Variants in MYH16 observed in about 807,000 individuals in gnomAD.
The protein encoded by MYH16 is myosin heavy chain 16, also known as putative uncharacterized protein MYH16.
At chr7:99,250,919 T>C (rs75827548) in intron 5 of MYH16, among the ~76,000 whole-genome samples, 5,433 of 152,240 alleles carry the variant, frequency 0.036, 145 homozygotes, top group South Asian at 0.11. Context: ...GTGGCCCTCG[T>C]CCCAGGTTAC....
downstream of MYH16, among the ~76,000 whole-genome samples, chr7:99,310,232 A>G (rs1792741766): frequency 6.6e-6 from 1 of 152,116 alleles, no homozygotes; most frequent in Non-Finnish European, 1.5e-5. Context: ...GGGCTCAGAG[A>G]GCTGCAGCGC....
At chr7:99,290,169 C>A (rs1169658227) in intron 30 of MYH16, among the ~76,000 whole-genome samples, 4 of 152,184 alleles carry the variant, frequency 2.6e-5, no homozygotes, top group African/African-American at 9.7e-5. Flanking sequence ...TTTGGCCTTA[C>A]TTCTCACATC....
intron 18 of MYH16, among the ~76,000 whole-genome samples, chr7:99,268,412 G>A (rs1431451554): frequency 2.0e-5 from 3 of 152,246 alleles, no homozygotes; most frequent in South Asian, 2.1e-4. Context: ...AGAGCTAGTC[G>A]GCATAAGGCC....
At chr7:99,307,184 G>A (rs192248991), downstream of MYH16, among the ~76,000 whole-genome samples, 318 of 152,254 alleles carry the variant, frequency 2.1e-3, no homozygotes, top group Middle Eastern at 6.8e-3. Context: ...TCACAGGGAC[G>A]TCCACAAGCT....
chr7:99,307,917 T>C (rs1253763344), downstream of MYH16, among the ~76,000 whole-genome samples: 2 of 151,966 alleles, frequency 1.3e-5, no homozygotes, highest in African/African-American at 2.4e-5. Flanking sequence ...GGTTTCACCA[T>C]GTTGGCCAGG....
chr7:99,289,481 T>A (rs1311436231), intron 30 of MYH16, 77 bp downstream of exon 11: 1 of 227,808 alleles, frequency 4.4e-6, no homozygotes, highest in Non-Finnish European at 9.5e-6. Flanking sequence ...AACAGAGCTT[T>A]CTTGGCCTTG....
chr7:99,310,240 C>T (rs1200614867), downstream of MYH16, among the ~76,000 whole-genome samples: 3 of 152,026 alleles, frequency 2.0e-5, no homozygotes, highest in South Asian at 2.1e-4. Flanking sequence ...AGAGCTGCAG[C>T]GCGGTGGGGG....
chr7:99,260,658 T>G, intron 12 of MYH16: 2 of 210,174 alleles, frequency 9.5e-6, no homozygotes, highest in East Asian at 1.2e-4. Context: ...AGAAGGGAAC[T>G]TCCTTGTCCA....
At chr7:99,259,704 G>GTA (rs1265129555) in intron 11 of MYH16, among the ~76,000 whole-genome samples, 31 of 147,154 alleles carry the variant, frequency 2.1e-4, no homozygotes, top group South Asian at 6.4e-4. Context: ...ATATGTGTGT[G>GTA]TATATATATA....
intron 34 of MYH16, among the ~76,000 whole-genome samples, chr7:99,297,382 G>A (rs1026219863): frequency 4.6e-5 from 7 of 152,026 alleles, no homozygotes; most frequent in South Asian, 2.1e-4. Context: ...GCAGTGAGCC[G>A]AGATCATGCC....
intron 20 of MYH16, 66 bp downstream of exon 2, chr7:99,273,489 C>T (rs1792072356): frequency 2.2e-6 from 1 of 453,804 alleles, no homozygotes; most frequent in African/African-American, 2.0e-5. Context: ...GGGCTTGATC[C>T]TGGACAGAGA....
intron 23 of MYH16, among the ~76,000 whole-genome samples, chr7:99,281,750 C>T (rs1223116682): frequency 2.0e-5 from 3 of 152,188 alleles, no homozygotes; most frequent in African/African-American, 7.2e-5. Context: ...GGAGACCCAC[C>T]GACTTTCCCA....
intron 9 of MYH16, among the ~76,000 whole-genome samples, chr7:99,256,781 A>T (rs1584343087): frequency 6.6e-6 from 1 of 151,912 alleles, no homozygotes; most frequent in Non-Finnish European, 1.5e-5. Flanking sequence ...ATCTATAAAT[A>T]AATTAATTAA....
intron 32 of MYH16, among the ~76,000 whole-genome samples, chr7:99,292,982 T>C (rs1247700298): frequency 6.8e-6 from 1 of 147,424 alleles, no homozygotes; most frequent in Non-Finnish European, 1.5e-5. Context: ...AAAAACTACA[T>C]AAGTGGACAC....
intron 14 of MYH16, among the ~76,000 whole-genome samples, chr7:99,263,968 C>A (rs1791963987): frequency 6.6e-6 from 1 of 152,200 alleles, no homozygotes; most frequent in Non-Finnish European, 1.5e-5. Context: ...GTGCTTCTTC[C>A]TCCCCAGAAA....
At chr7:99,279,860 G>GT (rs1792177013) in intron 22 of MYH16, 123 bp downstream of exon 4, 3 of 357,894 alleles carry the variant, frequency 8.4e-6, no homozygotes, top group East Asian at 7.5e-5. Context: ...GTTTTTTGGG[G>GT]GTTTTTTTTT....
intron 1 of MYH16, among the ~76,000 whole-genome samples, chr7:99,240,697 G>A (rs1416865100): frequency 6.6e-6 from 1 of 152,018 alleles, no homozygotes; most frequent in African/African-American, 2.4e-5. Flanking sequence ...CAAAAAATTA[G>A]CCAGGTGTGG....
chr7:99,246,189 G>C (rs1791726495), intron 2 of MYH16, among the ~76,000 whole-genome samples: 2 of 142,300 alleles, frequency 1.4e-5, no homozygotes, highest in Non-Finnish European at 3.0e-5. Flanking sequence ...CTGGGTGATA[G>C]AGCAAGGCTC....
chr7:99,303,378 G>C (rs539060555), intron 39 of MYH16, among the ~76,000 whole-genome samples, 188 bp downstream of exon 20: 1 of 152,392 alleles, frequency 6.6e-6, no homozygotes, highest in African/African-American at 2.4e-5. Flanking sequence ...CCACACACGT[G>C]AAAGTAAGAA....
Sources: allele counts gnomAD v4.1 joint callset (sites outside exome capture counted in the v4.1 genomes callset), GRCh38; gene constraint gnomAD v4.1.1; transcripts MANE v1.5; gene names NCBI Gene and HGNC (gene_info 2026-07-23, HGNC 2026-07-21).